KHSRP: variants seen among roughly 807,000 people sequenced by gnomAD.
KHSRP encodes KH-type splicing regulatory protein.
In KHSRP, 13 loss-of-function variants were observed where a neutral mutation model predicts 94.9. That is an observed-to-expected ratio of 0.14 (90% CI 0.09 to 0.22). The LOEUF (loss-of-function observed/expected upper bound fraction) is 0.22. Ranked by LOEUF, KHSRP falls within the 10% of genes least tolerant of loss-of-function variation. The pLI is 1.00. For synonymous variants in KHSRP, 495 were observed against 401.4 expected (o/e 1.23, Z -2.79); for missense variants, 710 against 1,010.0 (o/e 0.70, Z 4.03).
intron 11 of KHSRP, 92 bp downstream of exon 11, chr19:6,417,647 C>A: frequency 9.4e-7 from 1 of 1,058,650 alleles, no homozygotes; most frequent in Non-Finnish European, 1.4e-6. Flanking sequence ...TGGAGGCCAC[C>A]TGGCTGACCA....
rs2092218541 is a variant in KHSRP, at chr19:6,424,385, T to TGACCCCCGCCCC, written c.249+56_249+67dup. 3.7e-6 allele frequency: 3 copies of TGACCCCCGCCCC among 807,114 alleles called. No homozygotes were observed. In the African/African-American group the frequency reaches 5.8e-5, roughly 15 times the overall value. The allele number at this position is 807,114 out of a possible 1,614,324, so 50.0% of individuals were successfully genotyped here. On this transcript the variant is annotated intron_variant, in intron 1 of 18. Transcript: ENST00000600480. ...GCGACCCTGCGCGCGCGCGCGCACG[T>TGACCCCCGCCCC]GACCCCCGCCCCCTCCCCCGCCTGC...
rs557844969 is a variant in KHSRP at position 6,418,195 on chromosome 19, C to T, written c.880-116G>A. On this transcript the variant is annotated intron_variant, in intron 9 of 18. Coordinates refer to ENST00000600480, the MANE Select transcript of KHSRP (RefSeq NM_001366299.1). The surrounding 1 kb of genome is among the most constrained non-coding windows in gnomAD (Gnocchi z 4.3). ...CCACGAACCCTGGGTGAGCCCAGCA[C>T]AGCACCCTACTGAGCTCTCTACCTG... The T allele has an allele frequency of 3.6e-5, 30 of 830,338 alleles. No individual in the cohort carries two copies. Among genetic ancestry groups the T allele is most frequent in the Admixed American group, 2.5e-4 (12 of 48,488 alleles). 51.4% of individuals were successfully genotyped at this position (830,338 alleles called of 1,614,324 possible). A position where few individuals can be genotyped will look rare whatever the true frequency, so the allele number is the denominator to read the frequency against.
Position 6,420,064 on chromosome 19 carries a change from C to T in KHSRP, c.547+9G>A. On this transcript the variant is annotated intron_variant, in intron 6 of 18. Coordinates refer to ENST00000600480, the MANE Select transcript of KHSRP (RefSeq NM_001366299.1). The stretch of plus-strand genomic sequence containing the variant: ...CCCCCACTCTGGCAGGAACCTGACG[C>T]TCTTATACCTGGAGAAATCTGTACT... 6.2e-7 allele frequency: 1 copy of T among 1,609,900 alleles called. No homozygotes were observed.
rs1002895450 is a variant in KHSRP, at chr19:6,424,606, C to G, written c.96G>C (p.Pro32=). ...CCCGGTCCCCCGCGCCTGGCGGGCC[C>G]GGCGGAGGGCCTCCCCCGGCGCCTC... The part of the protein sequence containing the change: ...GAGGAGGGPP[P]GPPGAGDRGG... Residue 32 remains proline (P), a synonymous_variant, in exon 1 of 19, where the codon CCG becomes CCC. Transcript: ENST00000600480. 1.0e-6 allele frequency: 1 copy of G among 964,186 alleles called. No homozygotes were observed. The highest frequency in any genetic ancestry group is 1.2e-6 in the Non-Finnish European group (1 of 815,430). The allele number at this position is 964,186 out of a possible 1,614,324, so 59.7% of individuals were successfully genotyped here. A position where few individuals can be genotyped will look rare whatever the true frequency, so the allele number is the denominator to read the frequency against.
At chr19:6,421,734 G>A (rs1381705376) in intron 2 of KHSRP, 46 bp from the exon 3 acceptor site, 3 of 1,610,752 alleles carry the variant, frequency 1.9e-6, no homozygotes, top group Non-Finnish European at 2.5e-6. Context: ...CCCACCCACG[G>A]CCGCCTCGAA....
chr19:6,418,812 G>C lies in KHSRP; in HGVS notation c.670C>G (p.His224Asp). 2 of 1,592,590 alleles carry C rather than the reference G, an allele frequency of 1.3e-6. No homozygotes were observed. Among genetic ancestry groups the C allele is most frequent in the Non-Finnish European group, 1.7e-6 (2 of 1,173,186 alleles). Residue 224 changes from histidine to aspartate, a missense_variant, in exon 8 of 19, where the codon CAC (histidine) becomes GAC (aspartate). Transcript: ENST00000600480. This position sits in a 1 kb window ranked among gnomAD's most constrained non-coding sequence, Gnocchi z 4.3. ...RGRGGPPGQF[H>D]DNANGGQNGT... ...TTCTGGCCCCCGTTGGCGTTGTCGTGGAACTGTCCTGGGGGGCCCCCACGA... is the reference window on the plus strand; with the variant it reads ...TTCTGGCCCCCGTTGGCGTTGTCGTCGAACTGTCCTGGGGGGCCCCCACGA...
At chr19:6,421,158 C>T (rs1242336938) in intron 4 of KHSRP, 120 bp downstream of exon 4, 1 of 892,588 alleles carries the variant, frequency 1.1e-6, no homozygotes, top group African/African-American at 1.7e-5. Flanking sequence ...CTCTGGTCAA[C>T]TGGCACTGGG....
At chr19:6,422,081 C>T (rs1201914938) in intron 2 of KHSRP, among the ~76,000 whole-genome samples, 2 of 152,180 alleles carry the variant, frequency 1.3e-5, no homozygotes, top group Non-Finnish European at 2.9e-5. Flanking sequence ...CTCCAGGTTG[C>T]CTCAGCCTCC....
rs2092200288 is a variant in KHSRP, at chr19:6,422,359, C to T, written c.327G>A (p.Lys109=). The T allele has an allele frequency of 1.9e-6, 3 of 1,613,508 alleles. No individual in the cohort carries two copies. The highest frequency in any genetic ancestry group is 2.5e-6 in the Non-Finnish European group (3 of 1,179,468). Residue 109 remains lysine (K), a synonymous_variant, in exon 2 of 19, where the codon AAG becomes AAA. Transcript: ENST00000600480. ...AGTTACCTCCATCTTCCAACTGTCT[C>T]TTTTGGCCCCCAAAACCAAAATCAG... ...STPDFGFGGQ[K]RQLEDGDQPE...
chr19:6,416,276 C>G (rs958811956), intron 15 of KHSRP, 22 bp downstream of exon 15: 2 of 1,568,352 alleles, frequency 1.3e-6, no homozygotes, highest in Non-Finnish European at 8.7e-7. Context: ...GCCTCAAAAC[C>G]CAGGAGGCAG....
rs2092130507 is a variant in KHSRP, at chr19:6,414,804, G to A, written c.*220C>T. The A allele has an allele frequency of 8.5e-7, 1 of 1,173,194 alleles. No homozygotes were observed. The highest frequency in any genetic ancestry group is 1.1e-6 in the Non-Finnish European group (1 of 949,148). The allele number at this position is 1,173,194 out of a possible 1,614,324, so 72.7% of individuals were successfully genotyped here. On this transcript the variant is annotated 3_prime_UTR_variant, in exon 19 of 19. Coordinates refer to ENST00000600480, the MANE Select transcript of KHSRP (RefSeq NM_001366299.1). The stretch of plus-strand genomic sequence containing the variant: ...GCGAGGTGGTGGCGGCCGGGCCGGT[G>A]CCCACCGTCCGCGCTGTCTGCCTGC...
chr19:6,415,473 G>C lies in KHSRP; in HGVS notation c.1889-16C>G. On this transcript the variant is annotated splice_polypyrimidine_tract_variant and intron_variant, in intron 17 of 18. Coordinates refer to ENST00000600480, the MANE Select transcript of KHSRP (RefSeq NM_001366299.1). ...GGCTGCTGGCCTGTGCGGGCGCCGA[G>C]ACAGGTCAGAAACCACTCCCCCGGC... The C allele has an allele frequency of 1.3e-6, 2 of 1,553,290 alleles. No individual in the cohort carries two copies. Among genetic ancestry groups the C allele is most frequent in the Non-Finnish European group, 1.7e-6 (2 of 1,148,284 alleles).
rs1377527792 is a variant in KHSRP at position 6,414,584 on chromosome 19, G to C, written c.*440C>G. ...AGCGCATGGGAGGCTGAGCCCGGCG[G>C]GGCAGGGGCCTGGGCCGCTCCCCGC... On this transcript the variant is annotated 3_prime_UTR_variant, in exon 19 of 19. Coordinates refer to ENST00000600480, the MANE Select transcript of KHSRP (RefSeq NM_001366299.1). 1 of 1,016,394 alleles carries C rather than the reference G, an allele frequency of 9.8e-7. No individual in the cohort carries two copies. The highest frequency in any genetic ancestry group is 1.2e-6 in the Non-Finnish European group (1 of 850,794). 63.0% of individuals were successfully genotyped at this position (1,016,394 alleles called of 1,614,324 possible). A position where few individuals can be genotyped will look rare whatever the true frequency, so the allele number is the denominator to read the frequency against.
rs1316921446 is a variant in KHSRP, at chr19:6,413,171, C to A, written c.*1853G>T. Among the ~76,000 whole-genome samples, 2 of 135,996 alleles carry A rather than the reference C, an allele frequency of 1.5e-5. No individual in the cohort carries two copies. Among genetic ancestry groups the A allele is most frequent in the African/African-American group, 2.7e-5 (1 of 37,052 alleles). The allele number at this position is 135,996 out of a possible 152,430, so 89.2% of individuals were successfully genotyped here. Reference sequence around the variant, plus strand: ...GGGGGGGGGCACGGTTAGGAAAGCACATTGAGCCTGAAGAAAACTATTTTA... The same window carrying A: ...GGGGGGGGGCACGGTTAGGAAAGCAAATTGAGCCTGAAGAAAACTATTTTA... On this transcript the variant is annotated 3_prime_UTR_variant, in exon 19 of 19. Transcript: ENST00000600480.
chr19:6,418,662 C>T lies in KHSRP; in HGVS notation c.780+40G>A. On this transcript the variant is annotated intron_variant, in intron 8 of 18. Coordinates refer to ENST00000600480, the MANE Select transcript of KHSRP (RefSeq NM_001366299.1). The surrounding 1 kb of genome is among the most constrained non-coding windows in gnomAD (Gnocchi z 4.3). ...CTGTGGTGGTGGCGGTGGGGTGTGG[C>T]ACACGGATGCAGAGGAAGCTGCCCA... 1.9e-6 allele frequency: 3 copies of T among 1,613,688 alleles called. No individual in the cohort carries two copies. Among genetic ancestry groups the T allele is most frequent in the Non-Finnish European group, 2.5e-6 (3 of 1,179,678 alleles).
rs1340077462 is a variant in KHSRP, at chr19:6,414,746, T to TA, written c.*277dup. 34 of 1,070,592 alleles carry TA rather than the reference T, an allele frequency of 3.2e-5. No homozygotes were observed. The highest frequency in any genetic ancestry group is 3.8e-5 in the Non-Finnish European group (34 of 885,644). 66.3% of individuals were successfully genotyped at this position (1,070,592 alleles called of 1,614,324 possible). On this transcript the variant is annotated 3_prime_UTR_variant, in exon 19 of 19. Transcript: ENST00000600480. ...AAGTGATGCAGAGAAGGGGAAAAAA[T>TA]AGACGTTTTCTTCCCAAGTGGCCAG...
In KHSRP at chr19:6,424,554, G is replaced by A. The variant is rs1037930957; in HGVS notation, c.148C>T (p.Pro50Ser). The A allele has an allele frequency of 3.8e-5, 37 of 971,390 alleles. 1 individual carries two copies. In the African/African-American group the frequency reaches 6.4e-4, roughly 17 times the overall value. The allele number at this position is 971,390 out of a possible 1,614,324, so 60.2% of individuals were successfully genotyped here. A position where few individuals can be genotyped will look rare whatever the true frequency, so the allele number is the denominator to read the frequency against. The change falls in exon 1 of 19, where the codon CCG (proline) becomes TCG (serine). Residue 50 changes from proline to serine, a missense_variant. By Grantham distance (74) the Pro-to-Ser change is moderately conservative. Around this residue, in one of 5 missense-constraint regions of KHSRP, gnomAD observed 92 missense variants for 80.8 expected, o/e 1.14. Coordinates refer to ENST00000600480, the MANE Select transcript of KHSRP (RefSeq NM_001366299.1). ...RGGGGPGGGG[P>S]GGGSAGGPSQ... ...GGGCCCCCGGCCGACCCCCCGCCCGGGCCGCCGCCGCCGGGACCGCCGCCG... is the reference window on the plus strand; with the variant it reads ...GGGCCCCCGGCCGACCCCCCGCCCGAGCCGCCGCCGCCGGGACCGCCGCCG...
chr19:6,420,216 G>T, intron 5 of KHSRP, 72 bp from the exon 6 acceptor site: 1 of 1,437,836 alleles, frequency 7.0e-7, no homozygotes, highest in Non-Finnish European at 9.6e-7. Context: ...AGACTGTGTG[G>T]CCGGGGCCCC....
Position 6,413,132 on chromosome 19 carries a change from CAA to C in KHSRP, c.*1890_*1891del, listed in dbSNP as rs67354590. Reference sequence around the variant, plus strand: ...TTTAAACAAAAAGCACTTTATTTAACAAAAAAAAAAAAGGGGGGGGGGCACGG... The same window carrying C: ...TTTAAACAAAAAGCACTTTATTTAACAAAAAAAAAAGGGGGGGGGGCACGG... On this transcript the variant is annotated 3_prime_UTR_variant, in exon 19 of 19. Coordinates refer to ENST00000600480, the MANE Select transcript of KHSRP (RefSeq NM_001366299.1). 0.14 allele frequency among the ~76,000 whole-genome samples: 14,094 copies of C among 103,232 alleles called. 1,699 individuals are homozygous for C. Among genetic ancestry groups the C allele is most frequent in the African/African-American group, 0.32 (9,338 of 28,756 alleles). The allele number at this position is 103,232 out of a possible 152,430, so 67.7% of individuals were successfully genotyped here. A position where few individuals can be genotyped will look rare whatever the true frequency, so the allele number is the denominator to read the frequency against.
Sources: allele counts gnomAD v4.1 joint callset (sites outside exome capture counted in the v4.1 genomes callset), GRCh38; gene constraint gnomAD v4.1.1; regional missense constraint gnomAD v4.1.1; non-coding constraint Gnocchi (gnomAD v3.1); transcripts MANE v1.5; gene names NCBI Gene and HGNC (gene_info 2026-07-23, HGNC 2026-07-21).